The following TIAM2 variants were observed in gnomAD, a reference collection of about 807,000 sequenced individuals.
TIAM2 encodes the protein rho guanine nucleotide exchange factor TIAM2.
In TIAM2, 80 loss-of-function variants were observed where a neutral mutation model predicts 152.9. The ratio of observed to expected loss-of-function variants is 0.52; its 90% CI spans 0.44 to 0.63. TIAM2 has a LOEUF of 0.63. Ranked by LOEUF, TIAM2 falls within the 30% of genes least tolerant of loss-of-function variation. The probability of loss-of-function intolerance (pLI) is 0.00; values close to 1 mark genes in which losing one functional copy is unlikely to be tolerated. For missense variants in TIAM2, 1,965 were observed against 2,120.1 expected (o/e 0.93, Z 1.44); for synonymous variants, 804 against 838.0 (o/e 0.96, Z 0.70).
intron 2 of TIAM2, among the ~76,000 whole-genome samples, chr6:155,101,101 A>T (rs1289605929): frequency 6.6e-6 from 1 of 152,114 alleles, no homozygotes; most frequent in African/African-American, 2.4e-5. Context: ...CCCTCACTGT[A>T]TTCTCTGGGC....
At chr6:155,128,201 A>G (rs1404847509) in intron 3 of TIAM2, among the ~76,000 whole-genome samples, 1 of 152,148 alleles carries the variant, frequency 6.6e-6, no homozygotes, top group Non-Finnish European at 1.5e-5. Flanking sequence ...TACTTCTCTC[A>G]TCATATTCTA....
intron 14 of TIAM2, among the ~76,000 whole-genome samples, chr6:155,185,514 ATT>A (rs1488804420): frequency 1.3e-5 from 2 of 149,188 alleles, no homozygotes; most frequent in African/African-American, 5.0e-5. Context: ...TTATTTATTT[ATT>A]TATTTATTTA....
Position 155,137,605 on chromosome 6 carries a change from G to A in TIAM2, c.1623G>A (p.Thr541=), listed in dbSNP as rs1168374202. ...GGAAATGGAAACAGTACTGGGTAACGCTGAAAGGTGAGTGCAGTGTCACCT... is the reference window on the plus strand; with the variant it reads ...GGAAATGGAAACAGTACTGGGTAACACTGAAAGGTGAGTGCAGTGTCACCT... The part of the protein sequence containing the change: ...ARRKWKQYWV[T]LKGCTLLFYE... Residue 541 remains threonine, a synonymous_variant, in exon 5 of 27, where the codon ACG becomes ACA. Coordinates refer to ENST00000682666, the MANE Select transcript of TIAM2 (RefSeq NM_012454.4). 1.6e-5 allele frequency: 26 copies of A among 1,583,198 alleles called. No individual in the cohort carries two copies. Among genetic ancestry groups the A allele is most frequent in the South Asian group, 5.7e-5 (5 of 87,342 alleles).
intron 15 of TIAM2, among the ~76,000 whole-genome samples, chr6:155,234,426 A>T (rs1229273984): frequency 1.3e-5 from 2 of 152,206 alleles, no homozygotes; most frequent in African/African-American, 4.8e-5. Flanking sequence ...GTGCCACCAC[A>T]GCCAGCTAAT....
chr6:155,178,291 A>C (rs1486119014), intron 10 of TIAM2, among the ~76,000 whole-genome samples: 1 of 151,976 alleles, frequency 6.6e-6, no homozygotes, highest in Non-Finnish European at 1.5e-5. Context: ...GTGTGCGTAC[A>C]CATTTTCGTT....
intron 1 of TIAM2, among the ~76,000 whole-genome samples, chr6:154,996,554 C>A (rs866942177): frequency 1.3e-5 from 2 of 152,244 alleles, no homozygotes; most frequent in South Asian, 4.1e-4. Context: ...CAGACAACAC[C>A]GGCTATCTCC....
At chr6:155,063,142 A>G (rs1355845070) in intron 1 of TIAM2, among the ~76,000 whole-genome samples, 2 of 152,156 alleles carry the variant, frequency 1.3e-5, no homozygotes, top group Non-Finnish European at 2.9e-5. Context: ...TAAGAAAATA[A>G]CTGGTTCAGA....
intron 26 of TIAM2, chr6:155,256,203 C>T (rs1213159245): frequency 8.9e-6 from 5 of 564,252 alleles, no homozygotes; most frequent in African/African-American, 1.9e-5. Context: ...AAATAAGAAT[C>T]TTAGCCCATG....
intron 23 of TIAM2, among the ~76,000 whole-genome samples, chr6:155,252,603 A>G (rs1158274700): frequency 6.6e-6 from 1 of 152,200 alleles, no homozygotes; most frequent in Non-Finnish European, 1.5e-5. Context: ...TTTATTTTCA[A>G]ATGCCTTTTA....
chr6:155,182,399 A>G, intron 13 of TIAM2, 81 bp downstream of exon 13: 1 of 1,244,438 alleles, frequency 8.0e-7, no homozygotes. Context: ...GTTTCTTCTT[A>G]CAGTTTTGTC....
At chr6:154,997,012 A>T (rs1352194230) in intron 1 of TIAM2, among the ~76,000 whole-genome samples, 1 of 152,076 alleles carries the variant, frequency 6.6e-6, no homozygotes, top group African/African-American at 2.4e-5. Flanking sequence ...CCATACTAAG[A>T]TGCTTCATAA....
In TIAM2 at chr6:155,211,234, G is replaced by T. The variant is rs551312726; in HGVS notation, c.3095G>T (p.Gly1032Val). Reference sequence around the variant, plus strand: ...AGCAACGTCCCTGATATCACAACAGGTCTGAAAAGGAGTCAGACAGATGGC... The same window carrying T: ...AGCAACGTCCCTGATATCACAACAGTTCTGAAAAGGAGTCAGACAGATGGC... ...DFSNVPDITT[G>V]LKRSQTDGTL... Residue 1032 changes from glycine (G) to valine (V), a missense_variant, in exon 15 of 27, where the codon GGT (glycine) becomes GTT (valine). By Grantham distance (109) the Gly-to-Val change is moderately radical. Around this residue, in one of 3 missense-constraint regions of TIAM2, gnomAD observed 935 missense variants for 980.0 expected, o/e 0.95. Coordinates refer to ENST00000682666, the MANE Select transcript of TIAM2 (RefSeq NM_012454.4). 1 of 1,613,440 alleles carries T rather than the reference G, an allele frequency of 6.2e-7. No homozygotes were observed. Among genetic ancestry groups the T allele is most frequent in the Admixed American group, 1.7e-5 (1 of 59,988 alleles).
chr6:155,213,892 C>A lies in TIAM2; in HGVS notation c.3168+2585C>A, dbSNP rs558869046. On this transcript the variant is annotated intron_variant, in intron 15 of 26. Coordinates refer to ENST00000682666, the MANE Select transcript of TIAM2 (RefSeq NM_012454.4). The surrounding 1 kb of genome is among the most constrained non-coding windows in gnomAD (Gnocchi z 4.2). ...CTTGGACTCAACTTTGCTCCAAGAG[C>A]AGAGCGGGCACCAGGAGTAGGGAGA... 3.2e-4 allele frequency among the ~76,000 whole-genome samples: 48 copies of A among 152,370 alleles called. No homozygotes were observed. The highest frequency in any genetic ancestry group is 9.9e-4 in the African/African-American group (41 of 41,584).
intron 15 of TIAM2, among the ~76,000 whole-genome samples, chr6:155,222,247 C>A (rs1330906847): frequency 9.2e-5 from 14 of 151,956 alleles, no homozygotes; most frequent in Non-Finnish European, 1.5e-4. Context: ...AGCCACCACA[C>A]CCGGCCTGTT....
chr6:155,060,701 G>A (rs1461184412), intron 1 of TIAM2, among the ~76,000 whole-genome samples: 2 of 152,072 alleles, frequency 1.3e-5, no homozygotes, highest in Non-Finnish European at 2.9e-5. Context: ...TTCGAGACCA[G>A]CCTGACCAAC....
At chr6:155,048,563 G>C (rs893133020) in intron 1 of TIAM2, among the ~76,000 whole-genome samples, 2 of 116,016 alleles carry the variant, frequency 1.7e-5, no homozygotes, top group African/African-American at 5.4e-5. Flanking sequence ...GAGAATGGGG[G>C]TCAGGGGTGT....
Position 155,092,420 on chromosome 6 carries a change from G to A in TIAM2, c.-118+2041G>A, listed in dbSNP as rs545052759. Among the ~76,000 whole-genome samples the A allele has an allele frequency of 8.6e-4, 131 of 152,100 alleles. 1 individual carries two copies. The highest frequency in any genetic ancestry group is 3.0e-3 in the African/African-American group (126 of 41,508). Reference sequence around the variant, plus strand: ...CTGGGTAAGTTATTAACCTCTTGATGCTTCACTTTCTTCTTATGTAAAATG... The same window carrying A: ...CTGGGTAAGTTATTAACCTCTTGATACTTCACTTTCTTCTTATGTAAAATG... On this transcript the variant is annotated intron_variant, in intron 2 of 26. Transcript: ENST00000682666.
intron 1 of TIAM2, among the ~76,000 whole-genome samples, chr6:155,078,292 C>T (rs988665660): frequency 6.6e-6 from 1 of 152,126 alleles, no homozygotes; most frequent in African/African-American, 2.4e-5. Context: ...GTGATCTGTC[C>T]GCCTAGGCCT....
At chr6:155,188,089 A>G (rs1238922199) in intron 14 of TIAM2, among the ~76,000 whole-genome samples, 2 of 152,140 alleles carry the variant, frequency 1.3e-5, no homozygotes, top group Non-Finnish European at 2.9e-5. Flanking sequence ...ATGGAATGAG[A>G]TAATGTGTGC....
Sources: gnomAD v4.1 joint callset for allele counts (sites outside exome capture counted in the v4.1 genomes callset) on GRCh38, gnomAD v4.1.1 for gene constraint, gnomAD v4.1.1 regional missense constraint, Gnocchi (gnomAD v3.1) non-coding constraint, MANE v1.5 for transcripts, NCBI Gene and HGNC (gene_info 2026-07-23, HGNC 2026-07-21) for gene names.